The following INO80 variants were observed in gnomAD, a reference collection of about 807,000 sequenced individuals.
INO80 encodes the protein INO80 complex ATPase subunit.
INO80 carries 20 observed loss-of-function variants against 203.4 expected under a neutral mutation model. That is an observed-to-expected ratio of 0.10 (90% CI 0.07 to 0.14). The LOEUF (loss-of-function observed/expected upper bound fraction) is 0.14. Among genes scored for constraint, INO80 ranks in the 10% least tolerant of loss-of-function variants. The pLI is 1.00. For synonymous variants in INO80, 726 were observed against 685.2 expected (o/e 1.06, Z -0.93); for missense variants, 1,419 against 1,914.4 (o/e 0.74, Z 4.83).
At chr15:41,055,424 T>C (rs1001151562) in intron 17 of INO80, 60 bp from the exon 18 acceptor site, 8 of 1,116,988 alleles carry the variant, frequency 7.2e-6, no homozygotes, top group Non-Finnish European at 1.0e-5. Flanking sequence ...CGTGTAAGGA[T>C]GTATTAGATA....
At chr15:41,023,820 C>CA (rs1373825749) in intron 25 of INO80, among the ~76,000 whole-genome samples, 12 of 109,972 alleles carry the variant, frequency 1.1e-4, no homozygotes, top group Non-Finnish European at 2.4e-4. Context: ...AAAAAAACAA[C>CA]AAAAAAACCT....
At chr15:40,986,625 G>T (rs564953181) in intron 31 of INO80, among the ~76,000 whole-genome samples, 6 of 149,026 alleles carry the variant, frequency 4.0e-5, no homozygotes, top group African/African-American at 1.5e-4. Flanking sequence ...TGTGTTTTTT[G>T]TTTTTGTTTG....
Position 41,047,446 on chromosome 15 carries a change from T to C in INO80, c.2697A>G (p.Ala899=), listed in dbSNP as rs2044788363. The change falls in exon 23 of 36, where the codon GCA becomes GCG. Residue 899 remains alanine (A), a synonymous_variant. Coordinates refer to ENST00000648947, the MANE Select transcript of INO80 (RefSeq NM_017553.3). ...SFLRFIDISP[A]EMANLMLQGL... ...CCTGAAGCATAAGGTTTGCCATTTC[T>C]GCTGGAGATATATCAATAAAGCGAA... 1.2e-6 allele frequency: 2 copies of C among 1,613,524 alleles called. No individual in the cohort carries two copies. The highest frequency in any genetic ancestry group is 1.7e-5 in the Admixed American group (1 of 59,850).
Position 41,031,962 on chromosome 15 carries a change from G to GCACA in INO80, c.2908-4227_2908-4226insTGTG, listed in dbSNP as rs1566919529. On this transcript the variant is annotated intron_variant, in intron 24 of 35. Transcript: ENST00000648947. ...GCACAGCACAGCACAGCACAGCACA[G>GCACA]GACAGCACAGCACAGCACAGCACAG... Among the ~76,000 whole-genome samples, 199 of 74,610 alleles carry GCACA rather than the reference G, an allele frequency of 2.7e-3. 41 individuals carry two copies. Among genetic ancestry groups the GCACA allele is most frequent in the East Asian group, 7.0e-3 (17 of 2,414 alleles). The allele number at this position is 74,610 out of a possible 152,430, so 48.9% of individuals were successfully genotyped here.
chr15:41,069,245 C>G (rs1362136367), intron 14 of INO80, among the ~76,000 whole-genome samples: 2 of 152,216 alleles, frequency 1.3e-5, no homozygotes, highest in East Asian at 3.9e-4. Flanking sequence ...GCCCCCTCAC[C>G]CCCCTGGCCC....
chr15:41,044,981 G>C lies in INO80; in HGVS notation c.2830C>G (p.Leu944Val). The C allele has an allele frequency of 6.2e-7, 1 of 1,614,052 alleles. No homozygotes were observed. The highest frequency in any genetic ancestry group is 8.5e-7 in the Non-Finnish European group (1 of 1,179,966). The part of the protein sequence containing the change: ...APEGESHQRY[L>V]RNKDFLLGVN... ...CCAAGAAGGAAATCCTTGTTCCTCA[G>C]GTATCTCTGGTGGCTCTCCCCTTCT... Residue 944 changes from leucine to valine, a missense_variant, in exon 24 of 36, where the codon CTG becomes GTG. Leu to Val is a conservative substitution (Grantham distance 32). Coordinates refer to ENST00000648947, the MANE Select transcript of INO80 (RefSeq NM_017553.3).
At chr15:41,076,345 G>GC (rs769331658) in intron 9 of INO80, among the ~76,000 whole-genome samples, 2 of 151,584 alleles carry the variant, frequency 1.3e-5, no homozygotes, top group Non-Finnish European at 2.9e-5. Flanking sequence ...GGGTAACAGA[G>GC]CAAGACTCTG....
intron 24 of INO80, among the ~76,000 whole-genome samples, chr15:41,030,563 T>C (rs745363468): frequency 2.6e-5 from 4 of 152,176 alleles, no homozygotes; most frequent in Non-Finnish European, 5.9e-5. Context: ...GGTTTCACCA[T>C]GTTGGCCAGG....
At chr15:41,034,546 CTCTT>C (rs1410762206) in intron 24 of INO80, among the ~76,000 whole-genome samples, 3 of 152,148 alleles carry the variant, frequency 2.0e-5, no homozygotes, top group African/African-American at 7.2e-5. Context: ...AACAATAACT[CTCTT>C]TATACAACAA....
chr15:40,982,561 A>G (rs983962220), intron 35 of INO80, among the ~76,000 whole-genome samples: 10 of 152,178 alleles, frequency 6.6e-5, no homozygotes, highest in African/African-American at 2.4e-4. Flanking sequence ...GGATCTCAGA[A>G]ATGAAAGCCT....
At chr15:41,011,247 T>G (rs907955417) in intron 27 of INO80, among the ~76,000 whole-genome samples, 6 of 152,228 alleles carry the variant, frequency 3.9e-5, no homozygotes, top group Non-Finnish European at 8.8e-5. Context: ...GTCTTTGTGA[T>G]GCTTTCCTCA....
intron 13 of INO80, 28 bp from the exon 14 acceptor site, chr15:41,069,693 C>A (rs1240520262): frequency 7.5e-7 from 1 of 1,338,648 alleles, no homozygotes; most frequent in Non-Finnish European, 1.1e-6. Flanking sequence ...AGTCAGCCAA[C>A]TACAGGAAAA....
intron 23 of INO80, among the ~76,000 whole-genome samples, chr15:41,047,095 G>A (rs1435435534): frequency 6.6e-6 from 1 of 151,930 alleles, no homozygotes; most frequent in Admixed American, 6.6e-5. Context: ...AGCCTCCCAA[G>A]TAGCTGGAAT....
chr15:41,059,213 C>T (rs1048328585), intron 15 of INO80, among the ~76,000 whole-genome samples: 42 of 151,168 alleles, frequency 2.8e-4, no homozygotes, highest in Admixed American at 5.9e-4. Context: ...CCTCCTGCCT[C>T]GGCCTCCCAA....
chr15:41,013,485 A>T (rs1392990369), intron 27 of INO80, among the ~76,000 whole-genome samples: 1 of 151,934 alleles, frequency 6.6e-6, no homozygotes, highest in African/African-American at 2.4e-5. Flanking sequence ...TTTCAAAGAT[A>T]AAAAAACGCA....
chr15:41,100,908 A>G (rs1022174188), intron 1 of INO80, among the ~76,000 whole-genome samples: 7 of 150,650 alleles, frequency 4.6e-5, no homozygotes, highest in Non-Finnish European at 8.9e-5. Context: ...CGCTCACTAC[A>G]ATCTCCGCCT....
chr15:41,002,975 C>A (rs887986755), intron 28 of INO80, among the ~76,000 whole-genome samples: 1 of 151,958 alleles, frequency 6.6e-6, no homozygotes, highest in African/African-American at 2.4e-5. Context: ...AAAAAATTAG[C>A]CAGGCGTGGT....
At chr15:40,983,734 C>T (rs1479005815) in intron 34 of INO80, 28 bp downstream of exon 34, 1 of 1,608,494 alleles carries the variant, frequency 6.2e-7, no homozygotes, top group Non-Finnish European at 8.5e-7. Flanking sequence ...TGGACCAGGC[C>T]CAAGCTGTAC....
At chr15:41,072,805 C>G (rs2045344128) in intron 11 of INO80, among the ~76,000 whole-genome samples, 2 of 149,044 alleles carry the variant, frequency 1.3e-5, no homozygotes, top group South Asian at 2.1e-4. Context: ...TTTTGAGATG[C>G]AGTCTCAATC....
Sources: allele counts gnomAD v4.1 joint callset (sites outside exome capture counted in the v4.1 genomes callset), GRCh38; gene constraint gnomAD v4.1.1; transcripts MANE v1.5; gene names NCBI Gene and HGNC (gene_info 2026-07-23, HGNC 2026-07-21).